The following KCTD8 variants were observed in gnomAD, a reference collection of about 807,000 sequenced individuals.
The protein encoded by KCTD8 is potassium channel tetramerization domain containing 8, also known as BTB/POZ domain-containing protein KCTD8.
In KCTD8, 27 loss-of-function variants were observed where a neutral mutation model predicts 31.5. The observed-to-expected ratio is 0.86, with a 90% CI of 0.63 to 1.18. The LOEUF (loss-of-function observed/expected upper bound fraction) is 1.18, where lower values mean the gene tolerates loss of function less well. KCTD8 is among the 50% of genes most tolerant of loss of function. The probability of loss-of-function intolerance (pLI) is 0.00; values close to 1 mark genes in which losing one functional copy is unlikely to be tolerated. For missense variants in KCTD8, 658 were observed against 647.7 expected (o/e 1.02, Z -0.17); for synonymous variants, 290 against 280.0 (o/e 1.04, Z -0.36).
chr4:44,271,295 C>G (rs1322245997), intron 1 of KCTD8, among the ~76,000 whole-genome samples: 1 of 152,020 alleles, frequency 6.6e-6, no homozygotes, highest in Non-Finnish European at 1.5e-5. Context: ...GTATATTCAC[C>G]CTAATGAATA....
chr4:44,321,480 A>G (rs1718294161), intron 1 of KCTD8, among the ~76,000 whole-genome samples: 1 of 152,088 alleles, frequency 6.6e-6, no homozygotes, highest in African/African-American at 2.4e-5. Context: ...TTTTTTTGAT[A>G]TATCATAATA....
chr4:44,186,258 G>A (rs184176392), intron 1 of KCTD8, among the ~76,000 whole-genome samples: 474 of 152,266 alleles, frequency 3.1e-3, no homozygotes, highest in African/African-American at 0.011. Flanking sequence ...CGGCGGCTGA[G>A]GGGAATTTGG....
intron 1 of KCTD8, among the ~76,000 whole-genome samples, chr4:44,304,174 C>A (rs1717729333): frequency 1.3e-5 from 2 of 152,022 alleles, no homozygotes; most frequent in Non-Finnish European, 2.9e-5. Context: ...TCCATTTTCC[C>A]CATCAAAGCT....
At chr4:44,244,022 T>G (rs10938330) in intron 1 of KCTD8, among the ~76,000 whole-genome samples, 18,308 of 152,204 alleles carry the variant, frequency 0.12, 1,336 homozygotes, top group East Asian at 0.24. Flanking sequence ...ATCCTGACTA[T>G]TCTCAGGTAG....
chr4:44,392,506 A>C (rs1284007710), intron 1 of KCTD8, among the ~76,000 whole-genome samples: 1 of 151,962 alleles, frequency 6.6e-6, no homozygotes. Flanking sequence ...AACTTATTTA[A>C]AAGGTGTAGG....
intron 1 of KCTD8, among the ~76,000 whole-genome samples, chr4:44,327,763 C>T (rs539785362): frequency 2.0e-5 from 3 of 151,766 alleles, no homozygotes; most frequent in South Asian, 2.1e-4. Flanking sequence ...CTCTGTGCCT[C>T]GACAGCCCCA....
At chr4:44,232,272 T>A (rs903436113) in intron 1 of KCTD8, among the ~76,000 whole-genome samples, 1 of 152,160 alleles carries the variant, frequency 6.6e-6, no homozygotes. Context: ...TCTTAATGGT[T>A]AATTTTTCAA....
intron 1 of KCTD8, among the ~76,000 whole-genome samples, chr4:44,177,765 C>A (rs1284049108): frequency 6.6e-6 from 1 of 152,192 alleles, no homozygotes; most frequent in Admixed American, 6.5e-5. Context: ...TCAGGTATGT[C>A]TTTATCAGCA....
At chr4:44,347,706 C>A (rs993715479) in intron 1 of KCTD8, among the ~76,000 whole-genome samples, 1 of 152,080 alleles carries the variant, frequency 6.6e-6, no homozygotes, top group African/African-American at 2.4e-5. Context: ...TGAGCATTAT[C>A]AACACTGATA....
chr4:44,233,935 G>T (rs1715199002), intron 1 of KCTD8, among the ~76,000 whole-genome samples: 1 of 151,926 alleles, frequency 6.6e-6, no homozygotes, highest in Non-Finnish European at 1.5e-5. Flanking sequence ...TAGCTTCATG[G>T]CCATGAAAAA....
intron 1 of KCTD8, among the ~76,000 whole-genome samples, chr4:44,273,184 A>T (rs944052056): frequency 2.2e-4 from 33 of 152,054 alleles, no homozygotes; most frequent in Non-Finnish European, 4.1e-4. Flanking sequence ...GATAAAAATT[A>T]AAAAGATGAT....
intron 1 of KCTD8, among the ~76,000 whole-genome samples, chr4:44,227,507 TC>T (rs971150390): frequency 6.6e-6 from 1 of 152,198 alleles, no homozygotes; most frequent in African/African-American, 2.4e-5. Context: ...GATCCATGTA[TC>T]CAACCATTTA....
In KCTD8 at chr4:44,260,244, T is replaced by C. The variant is rs116769253; in HGVS notation, c.962-84994A>G. Among the ~76,000 whole-genome samples the C allele has an allele frequency of 7.3e-3, 1,114 of 151,892 alleles. 8 individuals are homozygous for C. Among genetic ancestry groups the C allele is most frequent in the Non-Finnish European group, 0.01 (702 of 67,854 alleles). On this transcript the variant is annotated intron_variant, in intron 1 of 1. Transcript: ENST00000360029. The stretch of plus-strand genomic sequence containing the variant: ...AATATATGTGATATTTTCTAGGAAA[T>C]ATTCTAGGATAGGAAAGGAGGAGGA...
chr4:44,296,501 A>G (rs1717439115), intron 1 of KCTD8, among the ~76,000 whole-genome samples: 1 of 152,144 alleles, frequency 6.6e-6, no homozygotes, highest in Non-Finnish European at 1.5e-5. Context: ...TATGTTTTAA[A>G]TTGATATATT....
At chr4:44,378,014 G>A (rs920026499) in intron 1 of KCTD8, among the ~76,000 whole-genome samples, 1 of 151,566 alleles carries the variant, frequency 6.6e-6, no homozygotes, top group Admixed American at 6.6e-5. Context: ...TGATGAGATC[G>A]CCCGTATGTA....
chr4:44,244,115 G>A (rs1715583229), intron 1 of KCTD8, among the ~76,000 whole-genome samples: 1 of 152,154 alleles, frequency 6.6e-6, no homozygotes, highest in Admixed American at 6.5e-5. Flanking sequence ...CTGGGCATTT[G>A]TATTTTTATT....
chr4:44,175,055 G>C lies in KCTD8; in HGVS notation c.1157C>G (p.Thr386Ser). ...AQQATAHQPN[T>S]LTLDRPSKKA... ...TTTAGAGGGGCGATCCAATGTTAAAGTGTTAGGTTGGTGAGCTGTTGCCTG... is the reference window on the plus strand; with the variant it reads ...TTTAGAGGGGCGATCCAATGTTAAACTGTTAGGTTGGTGAGCTGTTGCCTG... Residue 386 changes from threonine to serine, a missense_variant, in exon 2 of 2, where the codon ACT becomes AGT. Thr to Ser is a moderately conservative substitution (Grantham distance 58). Transcript: ENST00000360029. 1 of 1,614,062 alleles carries C rather than the reference G, an allele frequency of 6.2e-7. No homozygotes were observed. Among genetic ancestry groups the C allele is most frequent in the Non-Finnish European group, 8.5e-7 (1 of 1,179,972 alleles).
At chr4:44,325,605 C>G (rs1718423057) in intron 1 of KCTD8, among the ~76,000 whole-genome samples, 2 of 151,626 alleles carry the variant, frequency 1.3e-5, no homozygotes, top group Non-Finnish European at 2.9e-5. Context: ...TCATGTATCC[C>G]ATAAATATAT....
chr4:44,313,410 C>T (rs937400946), intron 1 of KCTD8, among the ~76,000 whole-genome samples: 1 of 152,220 alleles, frequency 6.6e-6, no homozygotes, highest in East Asian at 1.9e-4. Context: ...AATCACTTGG[C>T]CGTGGTAGAG....
Sources: gnomAD v4.1 joint callset for allele counts (sites outside exome capture counted in the v4.1 genomes callset) on GRCh38, gnomAD v4.1.1 for gene constraint, MANE v1.5 for transcripts, NCBI Gene and HGNC (gene_info 2026-07-23, HGNC 2026-07-21) for gene names.